The following HLCS variants were observed in gnomAD, a reference collection of about 807,000 sequenced individuals.
The protein encoded by HLCS is holocarboxylase synthetase.
In HLCS, 53 loss-of-function variants were observed where a neutral mutation model predicts 75.0. The ratio of observed to expected loss-of-function variants is 0.71; its 90% CI spans 0.57 to 0.89. The LOEUF is 0.89. Among genes scored for constraint, HLCS ranks in the 40% least tolerant of loss-of-function variants. HLCS has a pLI of 0.00. For synonymous variants in HLCS, 431 were observed against 428.6 expected, an observed-to-expected ratio of 1.01 and a Z score of -0.07; for missense variants, 966 against 1,074.0, an observed-to-expected ratio of 0.90 and a Z score of 1.41.
intron 5 of HLCS, among the ~76,000 whole-genome samples, chr21:36,913,641 G>T (rs2065813077): frequency 6.6e-6 from 1 of 152,082 alleles, no homozygotes; most frequent in Admixed American, 6.5e-5. Flanking sequence ...GGTGCCTGTA[G>T]TCCCAGCTAC....
chr21:36,971,902 T>C (rs1230459386), intron 1 of HLCS: 1 of 151,840 alleles, frequency 6.6e-6, no homozygotes, highest in Non-Finnish European at 1.5e-5. Flanking sequence ...TCGAAAAGAA[T>C]GTAGGATAAA....
chr21:36,974,383 G>A (rs2068881526), intron 1 of HLCS: 1 of 152,280 alleles, frequency 6.6e-6, no homozygotes, highest in South Asian at 2.1e-4. Flanking sequence ...GTGTGTCTAA[G>A]ACAAACAGGC....
intron 6 of HLCS, among the ~76,000 whole-genome samples, chr21:36,811,205 C>T (rs1019960031): frequency 1.3e-5 from 2 of 152,116 alleles, no homozygotes; most frequent in Non-Finnish European, 2.9e-5. Context: ...GGACTGATAA[C>T]GTATCTATTC....
chr21:36,948,370 G>A lies in HLCS; in HGVS notation c.331-9376C>T, dbSNP rs1032415515. ...TTTTTAACTTTTGGCTATCCTTGCT[G>A]TCTTTTGTGTTTGGAAATAGAGAGG... On this transcript the variant is annotated intron_variant, in intron 2 of 10. Coordinates refer to ENST00000674895, the MANE Select transcript of HLCS (RefSeq NM_001352514.2). 3.3e-5 allele frequency: 5 copies of A among 151,516 alleles called. 1 individual carries two copies. The highest frequency in any genetic ancestry group is 3.3e-4 in the Admixed American group (5 of 15,198). 9.4% of individuals were successfully genotyped at this position (151,516 alleles called of 1,614,324 possible).
intron 6 of HLCS, among the ~76,000 whole-genome samples, chr21:36,784,248 G>A (rs2060620897): frequency 1.3e-5 from 2 of 151,588 alleles, no homozygotes; most frequent in African/African-American, 4.9e-5. Flanking sequence ...CCCATCTTCT[G>A]ACTCACTAGG....
chr21:36,889,412 T>C (rs1191713290), intron 6 of HLCS, among the ~76,000 whole-genome samples: 2 of 152,140 alleles, frequency 1.3e-5, no homozygotes, highest in Non-Finnish European at 2.9e-5. Flanking sequence ...ATTGGCCAAA[T>C]AAAAGATGAT....
chr21:36,967,196 G>C (rs2068646661), upstream of HLCS, among the ~76,000 whole-genome samples: 1 of 152,128 alleles, frequency 6.6e-6, no homozygotes, highest in African/African-American at 2.4e-5. Flanking sequence ...GTCCCAGAGC[G>C]CTCCACAGCC....
chr21:36,979,958 C>G (rs1000971536), intron 1 of HLCS, among the ~76,000 whole-genome samples: 1 of 131,086 alleles, frequency 7.6e-6, no homozygotes, highest in African/African-American at 2.9e-5. Flanking sequence ...CTGGGGAGGT[C>G]GAGGCTGCAG....
intron 6 of HLCS, among the ~76,000 whole-genome samples, chr21:36,795,786 A>G (rs1569021811): frequency 4.6e-5 from 7 of 152,264 alleles, no homozygotes. Context: ...TTCCTCCCCC[A>G]GTGCCTGGGA....
chr21:36,943,897 A>C (rs1284990901), intron 2 of HLCS: 2 of 152,118 alleles, frequency 1.3e-5, no homozygotes, highest in Non-Finnish European at 2.9e-5. Flanking sequence ...CACATCCCCA[A>C]ATGAGGCCCA....
At chr21:36,984,257 G>A (rs367868400) in intron 1 of HLCS, among the ~76,000 whole-genome samples, 4 of 152,042 alleles carry the variant, frequency 2.6e-5, no homozygotes, top group African/African-American at 9.7e-5. Context: ...CCCAGTGGAC[G>A]CCTGAACCCT....
chr21:36,943,103 C>G (rs567270238), intron 2 of HLCS, among the ~76,000 whole-genome samples: 4 of 152,128 alleles, frequency 2.6e-5, no homozygotes, highest in Admixed American at 1.3e-4. Context: ...AAAACTGGAA[C>G]TCTAATACAC....
Position 36,889,046 on chromosome 21 carries a change from A to T in HLCS, c.1892+7814T>A, listed in dbSNP as rs79405467. 9.4e-3 allele frequency among the ~76,000 whole-genome samples: 1,435 copies of T among 152,308 alleles called. 26 individuals carry two copies. Among genetic ancestry groups the T allele is most frequent in the African/African-American group, 0.033 (1,354 of 41,562 alleles). On this transcript the variant is annotated intron_variant, in intron 6 of 10. Transcript: ENST00000674895. Reference sequence around the variant, plus strand: ...GATCTCCTTCTGCAAACGCACCGTCAGGCATGGACGCTGCCTGAGCCGCCA... The same window carrying T: ...GATCTCCTTCTGCAAACGCACCGTCTGGCATGGACGCTGCCTGAGCCGCCA...
intron 6 of HLCS, among the ~76,000 whole-genome samples, chr21:36,830,111 C>G (rs1008458664): frequency 5.9e-5 from 9 of 152,148 alleles, no homozygotes; most frequent in African/African-American, 2.2e-4. Context: ...CAGACACACA[C>G]ACAGGAGAGG....
In HLCS at chr21:36,749,978, C is replaced by T. The variant is rs937327587; in HGVS notation, c.*4268G>A. The T allele has an allele frequency of 1.2e-4, 18 of 152,206 alleles. No homozygotes were observed. Among genetic ancestry groups the T allele is most frequent in the African/African-American group, 3.6e-4 (15 of 41,450 alleles). 9.4% of individuals were successfully genotyped at this position (152,206 alleles called of 1,614,324 possible). A position where few individuals can be genotyped will look rare whatever the true frequency, so the allele number is the denominator to read the frequency against. ...ACTTGAAAATGTGTACTAGTGAAAA[C>T]GTCCTTGTCTAAACAAACTTCGTTT... is the stretch of plus-strand genomic sequence containing the variant. On this transcript the variant is annotated 3_prime_UTR_variant, in exon 11 of 11. Transcript: ENST00000674895.
chr21:36,777,473 G>A (rs1433563824), intron 6 of HLCS, among the ~76,000 whole-genome samples: 1 of 152,376 alleles, frequency 6.6e-6, no homozygotes, highest in East Asian at 1.9e-4. Context: ...TCTATAGAGT[G>A]TATTCAAATT....
intron 6 of HLCS, among the ~76,000 whole-genome samples, chr21:36,813,727 T>C (rs2061578626): frequency 6.6e-6 from 1 of 152,216 alleles, no homozygotes; most frequent in South Asian, 2.1e-4. Context: ...CTGAGTTTCA[T>C]TGCTTTGGGG....
chr21:36,822,001 G>A (rs749355248), intron 6 of HLCS, among the ~76,000 whole-genome samples: 1 of 152,132 alleles, frequency 6.6e-6, no homozygotes, highest in Non-Finnish European at 1.5e-5. Flanking sequence ...CCTCTGATGG[G>A]AATAGGAGAG....
intron 6 of HLCS, among the ~76,000 whole-genome samples, chr21:36,886,174 G>A (rs571938341): frequency 6.6e-6 from 1 of 152,046 alleles, no homozygotes; most frequent in East Asian, 1.9e-4. Context: ...GCTCAGGCCT[G>A]TAATCCCAGC....
Sources: allele counts gnomAD v4.1 joint callset (sites outside exome capture counted in the v4.1 genomes callset), GRCh38; gene constraint gnomAD v4.1.1; transcripts MANE v1.5; gene names NCBI Gene and HGNC (gene_info 2026-07-23, HGNC 2026-07-21).